The following SPG7 variants were observed in gnomAD, a reference collection of about 807,000 sequenced individuals.
SPG7 encodes the protein mitochondrial inner membrane m-AAA protease component paraplegin.
Under a neutral mutation model 81.9 loss-of-function variants are expected in SPG7, and 103 were observed. The observed-to-expected ratio is 1.26, with a 90% confidence interval of 1.07 to 1.48. The LOEUF (loss-of-function observed/expected upper bound fraction) is 1.48, where lower values mean the gene tolerates loss of function less well. SPG7 is among the 40% of genes most tolerant of loss of function. The pLI is 0.00. For missense variants in SPG7, 1,241 were observed against 1,087.3 expected, an observed-to-expected ratio of 1.14 and a Z score of -1.99; for synonymous variants, 534 against 444.2, an observed-to-expected ratio of 1.20 and a Z score of -2.54.
chr16:89,526,486 G>A lies in SPG7; in HGVS notation c.758+18G>A, dbSNP rs1198891305. On this transcript the variant is annotated intron_variant, in intron 5 of 16. Coordinates refer to ENST00000645818, the MANE Select transcript of SPG7 (RefSeq NM_003119.4). ...TTTGGAAAGTATGTTGGATGTATTTGTTGATGCTTGAACTAAACCTAACTT... is the reference window on the plus strand; with the variant it reads ...TTTGGAAAGTATGTTGGATGTATTTATTGATGCTTGAACTAAACCTAACTT... 1.9e-6 allele frequency: 3 copies of A among 1,613,956 alleles called. No individual in the cohort carries two copies. The African/African-American group carries it at 4.0e-5, about 22-fold the overall frequency.
chr16:89,545,289 G>A (rs549865596), intron 10 of SPG7: 46 of 245,658 alleles, frequency 1.9e-4, no homozygotes, highest in African/African-American at 1.0e-3. Flanking sequence ...CTGGTTGGAC[G>A]TTACACTTCC....
intron 10 of SPG7, 105 bp from the exon 11 acceptor site, chr16:89,546,553 A>C: frequency 1.2e-6 from 1 of 814,786 alleles, no homozygotes; most frequent in Non-Finnish European, 2.2e-6. Flanking sequence ...ACACACTTGT[A>C]ATCCCAGCTA....
chr16:89,554,662 G>C (rs1452882527), intron 16 of SPG7, 99 bp downstream of exon 16: 3 of 789,024 alleles, frequency 3.8e-6, no homozygotes, highest in East Asian at 2.7e-5. Context: ...AAGGCACACA[G>C]AGTACAGAGA....
intron 9 of SPG7, among the ~76,000 whole-genome samples, chr16:89,533,969 C>T (rs1005097320): frequency 2.0e-5 from 3 of 152,290 alleles, no homozygotes; most frequent in Middle Eastern, 3.4e-3. Context: ...TGAACAGCCT[C>T]TGCATTGCAG....
At chr16:89,556,679 G>A (rs1567936468) in intron 16 of SPG7, 1 of 589,384 alleles carries the variant, frequency 1.7e-6, no homozygotes, top group Non-Finnish European at 3.0e-6. Context: ...AATTAATGAG[G>A]CTGGCCGCCG....
chr16:89,511,198 G>C (rs1208307984), intron 2 of SPG7, among the ~76,000 whole-genome samples: 1 of 152,174 alleles, frequency 6.6e-6, no homozygotes, highest in Non-Finnish European at 1.5e-5. Flanking sequence ...CTTGAAAAAG[G>C]TTTTTCGTGT....
chr16:89,518,683 A>G (rs1185673512), intron 3 of SPG7: 1 of 152,234 alleles, frequency 6.6e-6, no homozygotes, highest in Non-Finnish European at 1.5e-5. Flanking sequence ...GAGCTGAAAG[A>G]TCACATGCCG....
chr16:89,516,388 CAA>C (rs748844949), intron 3 of SPG7, among the ~76,000 whole-genome samples: 4 of 136,760 alleles, frequency 2.9e-5, no homozygotes, highest in Non-Finnish European at 3.2e-5. Flanking sequence ...CTAAAAATAC[CAA>C]AAAAAAAAAA....
intron 9 of SPG7, chr16:89,537,089 C>A: frequency 6.5e-7 from 1 of 1,528,736 alleles, no homozygotes; most frequent in Non-Finnish European, 8.8e-7. Context: ...AAACAAGTCC[C>A]TTTATGCAGA....
intron 3 of SPG7, chr16:89,523,795 C>T (rs2058224248): frequency 2.8e-6 from 2 of 712,050 alleles, no homozygotes; most frequent in East Asian, 5.5e-5. Context: ...ACTGAAGTGA[C>T]CTCAGCGAAT....
intron 3 of SPG7, among the ~76,000 whole-genome samples, chr16:89,513,239 A>G (rs1428082141): frequency 6.6e-6 from 1 of 152,198 alleles, no homozygotes; most frequent in Non-Finnish European, 1.5e-5. Context: ...ACCCTGTCTC[A>G]CTGCAAATTA....
At position 89,553,959 on chromosome 16, in the gene SPG7, A is replaced by T. The variant is rs372180825; in HGVS notation, c.2102A>T (p.His701Leu). The change falls in exon 15 of 17, where the codon CAT (histidine) becomes CTT (leucine). Residue 701 changes from histidine (H) to leucine (L), a missense_variant and splice_region_variant. Coordinates refer to ENST00000645818, the MANE Select transcript of SPG7 (RefSeq NM_003119.4). ...CAAGGCCTGCAGCAGATGATGGACC[A>T]TGTGAGTCGGCTCTGGCCACACCGC... ...FSQGLQQMMD[H>L]EARLLVAKAY... 1.9e-6 allele frequency: 3 copies of T among 1,610,894 alleles called. No individual in the cohort carries two copies. Among genetic ancestry groups the T allele is most frequent in the East Asian group, 4.5e-5 (2 of 44,880 alleles).
intron 1 of SPG7, 45 bp from the exon 2 acceptor site, chr16:89,510,445 C>T (rs377218849): frequency 8.1e-7 from 1 of 1,233,302 alleles, no homozygotes; most frequent in South Asian, 1.2e-5. Context: ...TTGGTACTCT[C>T]TAATGTTGGT....
chr16:89,536,469 G>A (rs1248292456), intron 9 of SPG7, among the ~76,000 whole-genome samples: 2 of 119,578 alleles, frequency 1.7e-5, no homozygotes, highest in Admixed American at 8.7e-5. Context: ...CGGGTGAGGC[G>A]GGTGAGGCGG....
At chr16:89,554,393 G>A (rs2058666750) in intron 15 of SPG7, 93 bp from the exon 16 acceptor site, 9 of 841,282 alleles carry the variant, frequency 1.1e-5, no homozygotes, top group Non-Finnish European at 2.0e-6. Context: ...GGAGGGGAAA[G>A]GCCGTGTTCC....
chr16:89,536,948 G>T lies in SPG7; in HGVS notation c.1324+4312G>T, dbSNP rs115675101. The T allele has an allele frequency of 2.5e-3, 4,034 of 1,614,146 alleles. 56 individuals are homozygous for T. In the African/African-American group the frequency reaches 0.036, roughly 14 times the overall value. The stretch of plus-strand genomic sequence containing the variant: ...CCTTTTTGAGTGACTTGAGCCCAAA[G>T]GCAAGCGTATATCAAACGATCTTCT... On this transcript the variant is annotated intron_variant, in intron 9 of 16. Coordinates refer to ENST00000645818, the MANE Select transcript of SPG7 (RefSeq NM_003119.4).
intron 5 of SPG7, among the ~76,000 whole-genome samples, chr16:89,528,175 G>A (rs2058289848): frequency 2.0e-5 from 3 of 151,902 alleles, no homozygotes; most frequent in African/African-American, 7.3e-5. Context: ...CAGATCACGA[G>A]GTCAGGAGGT....
intron 10 of SPG7, chr16:89,545,547 C>T (rs1254380782): frequency 3.4e-5 from 7 of 205,992 alleles, no homozygotes; most frequent in Non-Finnish European, 6.9e-5. Flanking sequence ...CTCCAGGGGA[C>T]ATGGCTTCTC....
At chr16:89,536,872 G>T (rs1281667592) in intron 9 of SPG7, 2 of 1,614,210 alleles carry the variant, frequency 1.2e-6, no homozygotes, top group Non-Finnish European at 1.7e-6. Flanking sequence ...GAGGGCAATG[G>T]AGGGTCATTC....
Sources: gnomAD v4.1 joint callset for allele counts (sites outside exome capture counted in the v4.1 genomes callset) on GRCh38, gnomAD v4.1.1 for gene constraint, MANE v1.5 for transcripts, NCBI Gene and HGNC (gene_info 2026-07-23, HGNC 2026-07-21) for gene names.